Variants in PDE10A observed in about 807,000 individuals in gnomAD.
PDE10A encodes phosphodiesterase 10A, also known as cAMP and cAMP-inhibited cGMP 3',5'-cyclic phosphodiesterase 10A.
PDE10A carries 39 observed loss-of-function variants against 97.7 expected under a neutral mutation model. The ratio of observed to expected loss-of-function variants is 0.40; its 90% CI spans 0.31 to 0.52. PDE10A has a LOEUF of 0.52. PDE10A is among the 20% of genes least tolerant of loss of function. The probability of loss-of-function intolerance (pLI) is 0.56; values close to 1 mark genes in which losing one functional copy is unlikely to be tolerated. For synonymous variants in PDE10A, 371 were observed against 376.8 expected (o/e 0.98, Z 0.18); for missense variants, 731 against 1,047.8 (o/e 0.70, Z 4.17).
At chr6:165,903,177 T>A (rs767606870) in intron 1 of PDE10A, among the ~76,000 whole-genome samples, 18 of 152,200 alleles carry the variant, frequency 1.2e-4, no homozygotes, top group Non-Finnish European at 2.6e-4. Context: ...TTTTACAGAA[T>A]TTTGTAAGGG....
At chr6:165,737,498 T>C (rs943139393) in intron 1 of PDE10A, among the ~76,000 whole-genome samples, 1 of 152,158 alleles carries the variant, frequency 6.6e-6, no homozygotes, top group Non-Finnish European at 1.5e-5. Context: ...ATTCAACATG[T>C]GCAAATCCAT....
chr6:165,855,215 C>T (rs1184061233), intron 1 of PDE10A, among the ~76,000 whole-genome samples: 1 of 151,794 alleles, frequency 6.6e-6, no homozygotes, highest in East Asian at 2.0e-4. Context: ...AGCCCCAGAC[C>T]CAGAAGGAAT....
chr6:165,536,720 A>G (rs182555045), intron 2 of PDE10A, among the ~76,000 whole-genome samples: 158 of 152,194 alleles, frequency 1.0e-3, no homozygotes, highest in Non-Finnish European at 1.0e-3. Flanking sequence ...ATCACTAATC[A>G]TCAGGAAAAT....
intron 1 of PDE10A, among the ~76,000 whole-genome samples, chr6:165,680,445 C>T: frequency 6.6e-6 from 1 of 152,158 alleles, no homozygotes; most frequent in East Asian, 1.9e-4. Context: ...CAGGTAAGCA[C>T]CTCTCCAGTG....
At chr6:165,565,214 A>G (rs1386365033) in intron 1 of PDE10A, among the ~76,000 whole-genome samples, 2 of 152,214 alleles carry the variant, frequency 1.3e-5, no homozygotes, top group Non-Finnish European at 2.9e-5. Context: ...TTAAAAATCA[A>G]CAAAAGCTTC....
chr6:165,353,284 T>C (rs1472226647), intron 18 of PDE10A, among the ~76,000 whole-genome samples: 1 of 152,182 alleles, frequency 6.6e-6, no homozygotes, highest in Non-Finnish European at 1.5e-5. Context: ...GTATATTTCA[T>C]ACAGAATTAT....
At chr6:165,583,449 T>C (rs1785727620) in intron 1 of PDE10A, among the ~76,000 whole-genome samples, 2 of 152,168 alleles carry the variant, frequency 1.3e-5, no homozygotes, top group South Asian at 2.1e-4. Context: ...TGGCAAAAGA[T>C]GAGATTACAG....
chr6:165,359,499 T>C (rs945447160), intron 18 of PDE10A, among the ~76,000 whole-genome samples: 18 of 152,212 alleles, frequency 1.2e-4, no homozygotes, highest in Admixed American at 4.6e-4. Flanking sequence ...CCTGGTACTT[T>C]ATTATTCTCA....
At chr6:165,641,083 C>G (rs982026520) in intron 1 of PDE10A, among the ~76,000 whole-genome samples, 2 of 152,190 alleles carry the variant, frequency 1.3e-5, no homozygotes, top group African/African-American at 4.8e-5. Context: ...TCTGCTTCAC[C>G]TGACCACAGA....
At chr6:165,871,088 A>G (rs2500466) in intron 1 of PDE10A, among the ~76,000 whole-genome samples, 109,501 of 152,164 alleles carry the variant, frequency 0.72, 39,894 homozygotes, top group East Asian at 0.96. Flanking sequence ...TAGCTAGAAG[A>G]GAAGATTTGA....
chr6:165,881,734 G>A (rs1338159139), intron 1 of PDE10A, among the ~76,000 whole-genome samples: 2 of 151,908 alleles, frequency 1.3e-5, no homozygotes, highest in Non-Finnish European at 2.9e-5. Context: ...CCCCCAGGTT[G>A]CATTTGACTA....
intron 4 of PDE10A, among the ~76,000 whole-genome samples, chr6:165,450,002 G>C (rs1182524118): frequency 6.6e-6 from 1 of 152,108 alleles, no homozygotes; most frequent in Non-Finnish European, 1.5e-5. Flanking sequence ...TAATTAGAAG[G>C]CATAGTATAT....
In PDE10A at chr6:165,806,973, G is replaced by A. The variant is rs558416326; in HGVS notation, c.-615+180556C>T. 1.8e-4 allele frequency among the ~76,000 whole-genome samples: 28 copies of A among 152,318 alleles called. No homozygotes were observed. The South Asian group carries it at 2.3e-3, about 12-fold the overall frequency. ...CATCTGTGTGGTGCCATAGGCTGTT[G>A]TGGGGCCCATTCTCAAATGGCCAGA... On this transcript the variant is annotated intron_variant, in intron 1 of 19. Coordinates refer to the PDE10A transcript ENST00000366882.
intron 3 of PDE10A, among the ~76,000 whole-genome samples, chr6:165,477,387 TGA>T (rs1312368782): frequency 1.3e-5 from 2 of 152,208 alleles, no homozygotes; most frequent in Non-Finnish European, 2.9e-5. Flanking sequence ...TCATTACCAC[TGA>T]GCACGGTGCC....
rs1054684409 is a variant in PDE10A at position 165,705,614 on chromosome 6, C to T, written c.-614-162046G>A. Among the ~76,000 whole-genome samples, 8 of 152,204 alleles carry T rather than the reference C, an allele frequency of 5.3e-5. No individual in the cohort carries two copies. In the South Asian group the frequency reaches 1.2e-3, roughly 24 times the overall value. On this transcript the variant is annotated intron_variant, in intron 1 of 19. Coordinates refer to the PDE10A transcript ENST00000366882. ...ATTGTGGTATGTCAAATATAATTGA[C>T]AATAAATCAAGCTTCAGCTGGAAAA...
intron 1 of PDE10A, among the ~76,000 whole-genome samples, chr6:165,607,215 G>A (rs987515951): frequency 1.3e-5 from 2 of 152,168 alleles, no homozygotes; most frequent in African/African-American, 2.4e-5. Context: ...CACACCCAAC[G>A]CCTTGAGTTA....
intron 1 of PDE10A, among the ~76,000 whole-genome samples, chr6:165,927,817 C>T (rs927337752): frequency 6.7e-6 from 1 of 149,736 alleles, no homozygotes; most frequent in Non-Finnish European, 1.5e-5. Flanking sequence ...CTGCCTAAGC[C>T]CCCCAAGTAT....
chr6:165,691,565 G>C (rs766446189), intron 1 of PDE10A, among the ~76,000 whole-genome samples: 1 of 145,568 alleles, frequency 6.9e-6, no homozygotes, highest in Non-Finnish European at 1.5e-5. Context: ...CTGTACACGT[G>C]CCCATGCGCA....
Position 165,778,228 on chromosome 6 carries a change from G to A in PDE10A, c.-615+209301C>T, listed in dbSNP as rs1042712272. On this transcript the variant is annotated intron_variant, in intron 1 of 19. Coordinates refer to the PDE10A transcript ENST00000366882. Reference sequence around the variant, plus strand: ...TGGGACTACAGGTGCCCACCATCACGCCCGGCTAATTTTTTGTATTTTTAG... The same window carrying A: ...TGGGACTACAGGTGCCCACCATCACACCCGGCTAATTTTTTGTATTTTTAG... Among the ~76,000 whole-genome samples, 4 of 151,866 alleles carry A rather than the reference G, an allele frequency of 2.6e-5. No homozygotes were observed. The South Asian group carries it at 8.4e-4, about 32-fold the overall frequency.
Sources: gnomAD v4.1 joint callset for allele counts (sites outside exome capture counted in the v4.1 genomes callset) on GRCh38, gnomAD v4.1.1 for gene constraint, MANE v1.5 for transcripts, NCBI Gene and HGNC (gene_info 2026-07-23, HGNC 2026-07-21) for gene names.